Variants in ANXA8 observed in about 807,000 individuals in gnomAD.
ANXA8 encodes VAC-beta.
ANXA8 carries 9 observed loss-of-function variants against 26.8 expected under a neutral mutation model. That is an observed-to-expected ratio of 0.34 (90% CI 0.20 to 0.59). The LOEUF (loss-of-function observed/expected upper bound fraction) is 0.59, where lower values mean the gene tolerates loss of function less well. Ranked by LOEUF, ANXA8 falls within the 20% of genes least tolerant of loss-of-function variation. The probability of loss-of-function intolerance (pLI) is 0.84; values close to 1 mark genes in which losing one functional copy is unlikely to be tolerated. For missense variants in ANXA8, 83 were observed against 238.5 expected, an observed-to-expected ratio of 0.35 and a Z score of 4.29; for synonymous variants, 39 against 94.8, an observed-to-expected ratio of 0.41 and a Z score of 3.42.
At chr10:47,989,222 C>G in the ANXA8 span, among the ~76,000 whole-genome samples, 1 of 137,900 alleles carries the variant, frequency 7.3e-6, no homozygotes, top group East Asian at 2.1e-4. Flanking sequence ...AATGAGTGTT[C>G]CTGGAACGTT....
chr10:47,555,532 G>A, the ANXA8 span, among the ~76,000 whole-genome samples: 1 of 151,812 alleles, frequency 6.6e-6, no homozygotes, highest in African/African-American at 2.4e-5. Flanking sequence ...TTTCCTAATC[G>A]GACTCTGACC....
chr10:47,525,898 G>A, the ANXA8 span, among the ~76,000 whole-genome samples: 13 of 126,412 alleles, frequency 1.0e-4, 1 homozygote, highest in Admixed American at 2.5e-4. Flanking sequence ...TCCGCCTCCC[G>A]GGCTCAAGCG....
the ANXA8 span, among the ~76,000 whole-genome samples, chr10:47,630,542 CT>C: frequency 6.8e-6 from 1 of 147,272 alleles, no homozygotes; most frequent in Non-Finnish European, 1.5e-5. Context: ...GAGATTGAAG[CT>C]TGTTAATTGC....
chr10:47,644,242 C>T, the ANXA8 span, among the ~76,000 whole-genome samples: 1 of 148,728 alleles, frequency 6.7e-6, no homozygotes, highest in Admixed American at 6.6e-5. Context: ...CTCTCATTAA[C>T]CTTGTCCAGA....
the ANXA8 span, among the ~76,000 whole-genome samples, chr10:47,971,224 C>T: frequency 6.6e-6 from 1 of 150,960 alleles, no homozygotes; most frequent in Admixed American, 6.6e-5. Context: ...GCACACTCTT[C>T]TCCATGACTT....
chr10:47,484,527 A>G, upstream of ANXA8: 8 of 1,442,748 alleles, frequency 5.5e-6, no homozygotes, highest in Non-Finnish European at 5.6e-6. Flanking sequence ...CGGCACAGCC[A>G]CCTTATACAG....
the ANXA8 span, chr10:47,502,143 G>A: frequency 6.4e-5 from 101 of 1,570,616 alleles, 8 homozygotes; most frequent in South Asian, 5.7e-4. Context: ...GAGGCCTGCC[G>A]GGCGTAGGTC....
At chr10:47,948,348 A>G in the ANXA8 span, among the ~76,000 whole-genome samples, 28 of 109,376 alleles carry the variant, frequency 2.6e-4, no homozygotes, top group Non-Finnish European at 4.2e-4. Context: ...TAGCACACAA[A>G]GGATTGAAAA....
the ANXA8 span, chr10:47,756,012 CCCAG>C: frequency 2.2e-6 from 1 of 452,284 alleles, no homozygotes; most frequent in South Asian, 4.7e-5. Flanking sequence ...TGGTCCCCAT[CCCAG>C]CAGCCCAGGG....
At chr10:47,535,272 A>C in the ANXA8 span, among the ~76,000 whole-genome samples, 1,754 of 114,612 alleles carry the variant, frequency 0.015, 112 homozygotes, top group African/African-American at 0.049. Flanking sequence ...CCACTCCCGA[A>C]CCCATTTTGT....
chr10:47,675,101 C>T, the ANXA8 span, among the ~76,000 whole-genome samples: 1 of 144,012 alleles, frequency 6.9e-6, no homozygotes, highest in Non-Finnish European at 1.5e-5. Flanking sequence ...GTACATGTTG[C>T]TACTGGGGTG....
At chr10:47,949,588 A>C in the ANXA8 span, among the ~76,000 whole-genome samples, 40,869 of 134,026 alleles carry the variant, frequency 0.3, 2,843 homozygotes, top group South Asian at 0.4. Context: ...GGCTTATAAC[A>C]TATTAAAGCA....
the ANXA8 span, among the ~76,000 whole-genome samples, chr10:47,907,225 C>T: frequency 6.6e-6 from 1 of 151,870 alleles, no homozygotes; most frequent in African/African-American, 2.4e-5. Context: ...GGCGTGGTGG[C>T]GGGTGCTTGT....
At chr10:47,535,218 C>T in the ANXA8 span, among the ~76,000 whole-genome samples, 4 of 131,804 alleles carry the variant, frequency 3.0e-5, no homozygotes, top group East Asian at 2.8e-4. Context: ...AGGTGATCCG[C>T]CCACCTCGGT....
chr10:47,623,734 A>G, the ANXA8 span, among the ~76,000 whole-genome samples: 1 of 109,872 alleles, frequency 9.1e-6, no homozygotes, highest in African/African-American at 3.5e-5. Context: ...CACTTATTTC[A>G]TATCTCTTTT....
chr10:47,555,536 T>C, the ANXA8 span, among the ~76,000 whole-genome samples: 6 of 152,004 alleles, frequency 3.9e-5, no homozygotes, highest in East Asian at 1.2e-3. Context: ...CTAATCGGAC[T>C]CTGACCAATA....
chr10:47,684,886 T>G, the ANXA8 span, among the ~76,000 whole-genome samples: 1 of 149,320 alleles, frequency 6.7e-6, no homozygotes, highest in Non-Finnish European at 1.5e-5. Context: ...GCGCCCAGCC[T>G]GCGATTGTTT....
At chr10:47,767,395 GCAGA>G in the ANXA8 span, among the ~76,000 whole-genome samples, 1 of 152,228 alleles carries the variant, frequency 6.6e-6, no homozygotes, top group Non-Finnish European at 1.5e-5. Flanking sequence ...GTCTCCTCCT[GCAGA>G]CAGTCACTCC....
chr10:47,735,395 G>A, the ANXA8 span, among the ~76,000 whole-genome samples: 16 of 148,416 alleles, frequency 1.1e-4, no homozygotes, highest in South Asian at 1.1e-3. Flanking sequence ...GCACCAGGCC[G>A]TTTCTTTTTT....
Sources: gnomAD v4.1 joint callset for allele counts (sites outside exome capture counted in the v4.1 genomes callset) on GRCh38, gnomAD v4.1.1 for gene constraint, MANE v1.5 for transcripts, NCBI Gene and HGNC (gene_info 2026-07-23, HGNC 2026-07-21) for gene names.